The following FOXP2 variants were observed in gnomAD, a reference collection of about 807,000 sequenced individuals.
FOXP2 encodes the protein forkhead box protein P2.
A neutral mutation model predicts 115.8 loss-of-function variants in FOXP2; 12 were observed. That is an observed-to-expected ratio of 0.10 (90% CI 0.07 to 0.17). FOXP2 has a LOEUF of 0.17. FOXP2 is among the 10% of genes least tolerant of loss of function. The pLI, the probability that FOXP2 is intolerant of heterozygous loss-of-function variation, is 1.00. For synonymous variants in FOXP2, 328 were observed against 297.7 expected (o/e 1.10, Z -1.05); for missense variants, 629 against 843.5 (o/e 0.75, Z 3.15).
intron 1 of FOXP2, among the ~76,000 whole-genome samples, chr7:114,172,096 A>G (rs1793159394): frequency 6.6e-6 from 1 of 152,220 alleles, no homozygotes; most frequent in Non-Finnish European, 1.5e-5. Flanking sequence ...TTTGGGCAAT[A>G]AAGCATTTTT....
At chr7:114,657,925 A>G in intron 10 of FOXP2, 141 bp from the exon 11 acceptor site, 1 of 802,816 alleles carries the variant, frequency 1.2e-6, no homozygotes, top group Non-Finnish European at 2.1e-6. Context: ...TCCTGTAATT[A>G]GTTGAGATTG....
intron 2 of FOXP2, among the ~76,000 whole-genome samples, chr7:114,497,914 G>A (rs753731711): frequency 1.3e-4 from 20 of 152,016 alleles, no homozygotes; most frequent in Non-Finnish European, 2.2e-4. Context: ...TATAGATGAT[G>A]AGATTCAGAT....
chr7:114,409,726 T>G (rs745625577), upstream of FOXP2, among the ~76,000 whole-genome samples: 3 of 152,184 alleles, frequency 2.0e-5, no homozygotes, highest in Non-Finnish European at 4.4e-5. Flanking sequence ...CCAATTGATT[T>G]TGGCTTTTCT....
chr7:114,682,986 G>A (rs1808174641), intron 16 of FOXP2, among the ~76,000 whole-genome samples: 1 of 151,990 alleles, frequency 6.6e-6, no homozygotes, highest in Admixed American at 6.6e-5. Context: ...TATATTGATG[G>A]CAAATAGATC....
intron 1 of FOXP2, among the ~76,000 whole-genome samples, chr7:114,225,020 G>C (rs1356749598): frequency 6.6e-6 from 1 of 152,082 alleles, no homozygotes; most frequent in Non-Finnish European, 1.5e-5. Context: ...GCTTGCTGTT[G>C]TTAAAACTCT....
At chr7:114,220,710 C>T (rs546511641) in intron 1 of FOXP2, among the ~76,000 whole-genome samples, 1 of 152,254 alleles carries the variant, frequency 6.6e-6, no homozygotes, top group Admixed American at 6.5e-5. Context: ...GTCAAAGAAA[C>T]ACCACCACTT....
intron 2 of FOXP2, among the ~76,000 whole-genome samples, chr7:114,529,329 C>T (rs1012130667): frequency 1.3e-4 from 19 of 151,758 alleles, no homozygotes; most frequent in Non-Finnish European, 1.6e-4. Context: ...TGGACTTGAA[C>T]CTTGAAGAAT....
intron 2 of FOXP2, among the ~76,000 whole-genome samples, chr7:114,289,270 A>G (rs1796537263): frequency 6.6e-6 from 1 of 151,870 alleles, no homozygotes. Flanking sequence ...CTCTTAATTT[A>G]TGATGTAAGT....
intron 3 of FOXP2, among the ~76,000 whole-genome samples, chr7:114,569,744 A>G (rs892037368): frequency 6.6e-6 from 1 of 151,974 alleles, no homozygotes; most frequent in African/African-American, 2.4e-5. Flanking sequence ...TGTTTGAATT[A>G]ATGTTGCTCT....
In FOXP2 at chr7:114,154,456, C is replaced by A. The variant is rs544224925; in HGVS notation, c.-246-8488C>A. The stretch of plus-strand genomic sequence containing the variant: ...CAAAAAATAAGTGTAAGTACATCTC[C>A]TTTAAGTATGAATCCATTGATGCTG... On this transcript the variant is annotated intron_variant, in intron 1 of 19. Coordinates refer to the FOXP2 transcript ENST00000635638. Among the ~76,000 whole-genome samples, 4 of 152,024 alleles carry A rather than the reference C, an allele frequency of 2.6e-5. No individual in the cohort carries two copies. In the East Asian group the frequency reaches 7.8e-4, roughly 29 times the overall value.
intron 3 of FOXP2, among the ~76,000 whole-genome samples, chr7:114,605,591 A>AT (rs1803273596): frequency 6.6e-6 from 1 of 152,216 alleles, no homozygotes; most frequent in African/African-American, 2.4e-5. Flanking sequence ...CCTGTGGATC[A>AT]CTGCATAGAG....
rs562235089 is a variant in FOXP2, at chr7:114,220,179, A to C, written c.-102+57091A>C. ...TCCTGGCCCTGTGAGGGTTTTTAAA[A>C]GGCTTTTTATAAAGCTTGATGGCTA... On this transcript the variant is annotated intron_variant, in intron 1 of 17. Transcript: ENST00000634411. 1.5e-3 allele frequency among the ~76,000 whole-genome samples: 227 copies of C among 151,928 alleles called. 1 individual carries two copies. The highest frequency in any genetic ancestry group is 5.3e-3 in the African/African-American group (221 of 41,458).
intron 1 of FOXP2, among the ~76,000 whole-genome samples, chr7:114,241,963 T>G: frequency 6.7e-6 from 1 of 150,230 alleles, no homozygotes; most frequent in Admixed American, 6.7e-5. Context: ...AGATAAAAAT[T>G]TTGTCTTCCA....
intron 2 of FOXP2, among the ~76,000 whole-genome samples, chr7:114,381,728 T>G (rs988058940): frequency 6.6e-6 from 1 of 152,026 alleles, no homozygotes; most frequent in Non-Finnish European, 1.5e-5. Context: ...CCACTGCCCG[T>G]TGGGTTTCTG....
intron 6 of FOXP2, among the ~76,000 whole-genome samples, chr7:114,642,065 C>T (rs926413755): frequency 6.6e-6 from 1 of 152,120 alleles, no homozygotes. Flanking sequence ...CTCAGCCTCC[C>T]AGAGTGCTGG....
intron 3 of FOXP2, among the ~76,000 whole-genome samples, chr7:114,600,472 A>G (rs1802960516): frequency 6.6e-6 from 1 of 152,182 alleles, no homozygotes; most frequent in Non-Finnish European, 1.5e-5. Context: ...AAGCTGCTAT[A>G]AACATTTGTG....
At chr7:114,214,001 G>C (rs1056596620) in intron 1 of FOXP2, among the ~76,000 whole-genome samples, 3 of 152,132 alleles carry the variant, frequency 2.0e-5, no homozygotes, top group African/African-American at 7.2e-5. Context: ...GAGAGCATAG[G>C]ATACTACCAC....
intron 2 of FOXP2, among the ~76,000 whole-genome samples, chr7:114,307,560 A>C (rs78814663): frequency 0.024 from 3,616 of 152,248 alleles, 96 homozygotes; most frequent in African/African-American, 0.058. Context: ...AGGGGTACAT[A>C]AGTTCTCTTC....
At chr7:114,330,904 C>T (rs1460946023) in intron 2 of FOXP2, among the ~76,000 whole-genome samples, 1 of 152,168 alleles carries the variant, frequency 6.6e-6, no homozygotes, top group Non-Finnish European at 1.5e-5. Context: ...TTCCTTCAAA[C>T]CCAGACTCCT....
Sources: gnomAD v4.1 joint callset for allele counts (sites outside exome capture counted in the v4.1 genomes callset) on GRCh38, gnomAD v4.1.1 for gene constraint, MANE v1.5 for transcripts, NCBI Gene and HGNC (gene_info 2026-07-23, HGNC 2026-07-21) for gene names.